The following MIGA2 variants were observed in gnomAD, a reference collection of about 807,000 sequenced individuals.
The protein encoded by MIGA2 is family with sequence similarity 73, member B.
A neutral mutation model predicts 69.9 loss-of-function variants in MIGA2; 36 were observed. That is an observed-to-expected ratio of 0.52 (90% CI 0.39 to 0.68). The LOEUF (loss-of-function observed/expected upper bound fraction) is 0.68, where lower values mean the gene tolerates loss of function less well. Ranked by LOEUF, MIGA2 falls within the 30% of genes least tolerant of loss-of-function variation. The pLI is 0.00. For synonymous variants in MIGA2, 333 were observed against 349.2 expected (o/e 0.95, Z 0.52); for missense variants, 660 against 787.7 (o/e 0.84, Z 1.94).
intron 1 of MIGA2, chr9:129,037,065 C>T: frequency 1.0e-6 from 1 of 1,001,592 alleles, no homozygotes; most frequent in African/African-American, 1.7e-5. Context: ...GAAGGGGCTG[C>T]CCAAGATGCC....
chr9:129,039,175 T>TTGTGTG (rs61426484), intron 1 of MIGA2, among the ~76,000 whole-genome samples: 5,356 of 139,938 alleles, frequency 0.038, 153 homozygotes, highest in Middle Eastern at 0.056. Context: ...AGCTCTTTGT[T>TTGTGTG]TGTGTGTGTG....
chr9:129,055,492 C>A (rs1017904861), intron 6 of MIGA2, among the ~76,000 whole-genome samples: 3 of 152,072 alleles, frequency 2.0e-5, no homozygotes, highest in African/African-American at 7.2e-5. Context: ...TAAGTGGGTT[C>A]ATCTCTGAGG....
In MIGA2 at chr9:129,059,070, C is replaced by T; in HGVS notation, c.676-84C>T. Reference sequence around the variant, plus strand: ...TGGGTCCTAGAGCTCCTCCCCTTTCCCCAGGGACCTGGGGGTGAGGGAAGG... The same window carrying T: ...TGGGTCCTAGAGCTCCTCCCCTTTCTCCAGGGACCTGGGGGTGAGGGAAGG... On this transcript the variant is annotated intron_variant, in intron 6 of 15. Transcript: ENST00000684074. The surrounding 1 kb of genome is among the most constrained non-coding windows in gnomAD (Gnocchi z 5.6). 7.9e-7 allele frequency: 1 copy of T among 1,264,532 alleles called. No individual in the cohort carries two copies. The highest frequency in any genetic ancestry group is 1.1e-6 in the Non-Finnish European group (1 of 873,190). 78.3% of individuals were successfully genotyped at this position (1,264,532 alleles called of 1,614,324 possible).
rs1186203436 is a variant in MIGA2 at position 129,059,068 on chromosome 9, TC to T, written c.676-82del. ...GCTGGGTCCTAGAGCTCCTCCCCTT[TC>T]CCCAGGGACCTGGGGGTGAGGGAAG... On this transcript the variant is annotated intron_variant, in intron 6 of 15. Transcript: ENST00000684074. This position sits in a 1 kb window ranked among gnomAD's most constrained non-coding sequence, Gnocchi z 5.6. 8.2e-7 allele frequency: 1 copy of T among 1,213,654 alleles called. No homozygotes were observed. The highest frequency in any genetic ancestry group is 1.2e-6 in the Non-Finnish European group (1 of 828,310). The allele number at this position is 1,213,654 out of a possible 1,614,324, so 75.2% of individuals were successfully genotyped here.
chr9:129,060,509 TGGGGA>T lies in MIGA2; in HGVS notation c.794-39_794-35del. 6.8e-7 allele frequency: 1 copy of T among 1,478,638 alleles called. No homozygotes were observed. The highest frequency in any genetic ancestry group is 1.4e-5 in the African/African-American group (1 of 71,960). The allele number at this position is 1,478,638 out of a possible 1,614,324, so 91.6% of individuals were successfully genotyped here. ...ACCGGGATTCCAGCTGAGCACTGTG[TGGGGA>T]GTCTCAGCCCCGCTTTCTCTCACTG... is the stretch of plus-strand genomic sequence containing the variant. On this transcript the variant is annotated intron_variant, in intron 7 of 15. Transcript: ENST00000684074. The surrounding 1 kb of genome is among the most constrained non-coding windows in gnomAD (Gnocchi z 4.8).
At position 129,066,814 on chromosome 9, in the gene MIGA2, A is replaced by T. The variant is rs576662166; in HGVS notation, c.1171-959A>T. 1.3e-4 allele frequency among the ~76,000 whole-genome samples: 19 copies of T among 150,830 alleles called. No individual in the cohort carries two copies. In the South Asian group the frequency reaches 1.7e-3, roughly 13 times the overall value. On this transcript the variant is annotated intron_variant, in intron 11 of 15. Coordinates refer to ENST00000684074, the MANE Select transcript of MIGA2 (RefSeq NM_001329990.2). ...CTCTACTAAAAATACAAAAAAAATT[A>T]GCCGGGCGTGGTGGCGGGCACCTGT...
At chr9:129,070,052 GGGCCTGGGCCTGCT>G (rs1271201253) in intron 15 of MIGA2, 87 bp downstream of exon 15, 1 of 1,282,646 alleles carries the variant, frequency 7.8e-7, no homozygotes, top group Non-Finnish European at 1.1e-6. Flanking sequence ...ATGAGGGCCT[GGGCCTGGGCCTGCT>G]CCCAGAGAGA....
At position 129,069,290 on chromosome 9, in the gene MIGA2, C is replaced by T. The variant is rs754522977; in HGVS notation, c.1458+161C>T. On this transcript the variant is annotated intron_variant, in intron 14 of 15. Coordinates refer to ENST00000684074, the MANE Select transcript of MIGA2 (RefSeq NM_001329990.2). This position sits in a 1 kb window ranked among gnomAD's most constrained non-coding sequence, Gnocchi z 4.9. ...TACCTCTCCCTGTGCCAGGAGCTCCCTGGAGGCTCGTGTAGACCCACTTCC... is the reference window on the plus strand; with the variant it reads ...TACCTCTCCCTGTGCCAGGAGCTCCTTGGAGGCTCGTGTAGACCCACTTCC... The T allele has an allele frequency of 6.9e-6, 6 of 864,722 alleles. No individual in the cohort carries two copies. The highest frequency in any genetic ancestry group is 1.1e-5 in the Non-Finnish European group (6 of 542,172). 53.6% of individuals were successfully genotyped at this position (864,722 alleles called of 1,614,324 possible).
chr9:129,056,147 A>C lies in MIGA2; in HGVS notation c.676-3007A>C, dbSNP rs547959336. 1.5e-3 allele frequency among the ~76,000 whole-genome samples: 234 copies of C among 152,106 alleles called. 2 individuals are homozygous for C. Among genetic ancestry groups the C allele is most frequent in the South Asian group, 0.013 (64 of 4,822 alleles). On this transcript the variant is annotated intron_variant, in intron 6 of 15. Coordinates refer to ENST00000684074, the MANE Select transcript of MIGA2 (RefSeq NM_001329990.2). ...GTCTCAAGAAAAAAAAAAAAAAAAA[A>C]AACTTATGTTGTTCAAGGGTCACAT...
intron 6 of MIGA2, among the ~76,000 whole-genome samples, chr9:129,050,212 G>T (rs1204138693): frequency 6.6e-6 from 1 of 152,254 alleles, no homozygotes; most frequent in Non-Finnish European, 1.5e-5. Context: ...GTGTGGTCCT[G>T]AAAGGCTGGA....
intron 3 of MIGA2, 132 bp downstream of exon 3, chr9:129,042,646 T>TCATCCCGCTCACA: frequency 1.1e-6 from 1 of 911,566 alleles, no homozygotes; most frequent in Non-Finnish European, 1.7e-6. Flanking sequence ...TCCTGATCTG[T>TCATCCCGCTCACA]GAGCGGGATG....
intron 9 of MIGA2, among the ~76,000 whole-genome samples, chr9:129,062,549 A>AG (rs931251267): frequency 6.7e-6 from 1 of 148,926 alleles, no homozygotes; most frequent in African/African-American, 2.5e-5. Context: ...AAAAAAAAAA[A>AG]GCAAAAAAAC....
At chr9:129,063,378 C>A in intron 10 of MIGA2, 62 bp downstream of exon 10, 1 of 1,597,250 alleles carries the variant, frequency 6.3e-7, no homozygotes, top group Non-Finnish European at 8.5e-7. Flanking sequence ...CTGGCCATGG[C>A]TGTGTGGCAT....
rs1242162822 is a variant in MIGA2 at position 129,069,636 on chromosome 9, C to T, written c.1459-213C>T. On this transcript the variant is annotated intron_variant, in intron 14 of 15. Transcript: ENST00000684074. This position sits in a 1 kb window ranked among gnomAD's most constrained non-coding sequence, Gnocchi z 4.9. ...ACTTCCCGCGGAGCCACTATGGCCCCACCTCTTGCAGTACTCACAGCGGCC... is the reference window on the plus strand; with the variant it reads ...ACTTCCCGCGGAGCCACTATGGCCCTACCTCTTGCAGTACTCACAGCGGCC... 1.7e-6 allele frequency: 1 copy of T among 592,196 alleles called. No homozygotes were observed. Among genetic ancestry groups the T allele is most frequent in the African/African-American group, 1.9e-5 (1 of 53,968 alleles). 36.7% of individuals were successfully genotyped at this position (592,196 alleles called of 1,614,324 possible). A position where few individuals can be genotyped will look rare whatever the true frequency, so the allele number is the denominator to read the frequency against.
At chr9:129,039,278 C>T (rs1564597477) in intron 1 of MIGA2, among the ~76,000 whole-genome samples, 1 of 151,544 alleles carries the variant, frequency 6.6e-6, no homozygotes. Flanking sequence ...TGGAGTCTCA[C>T]TCTATTGCCC....
At position 129,063,494 on chromosome 9, in the gene MIGA2, G is replaced by A. The variant is rs552621636; in HGVS notation, c.1084-51G>A. The A allele has an allele frequency of 1.2e-5, 20 of 1,605,394 alleles. No individual in the cohort carries two copies. In the South Asian group the frequency reaches 1.4e-4, roughly 11 times the overall value. ...TTATGTGGCCCTCTCCGTGGGCTTT[G>A]AGGGACTGCCGTGCCCGGCAGCTCA... On this transcript the variant is annotated intron_variant, in intron 10 of 15. Transcript: ENST00000684074.
At chr9:129,051,572 G>A (rs1431529520) in intron 6 of MIGA2, among the ~76,000 whole-genome samples, 1 of 149,640 alleles carries the variant, frequency 6.7e-6, no homozygotes, top group African/African-American at 2.5e-5. Flanking sequence ...CACCGTGCCT[G>A]GCTTATTTAT....
intron 6 of MIGA2, among the ~76,000 whole-genome samples, chr9:129,052,369 C>T (rs1166138431): frequency 3.9e-5 from 6 of 151,984 alleles, no homozygotes; most frequent in Admixed American, 1.3e-4. Flanking sequence ...GTGATCCACC[C>T]GCCTCGGCCT....
chr9:129,051,604 A>T (rs563941927), intron 6 of MIGA2, among the ~76,000 whole-genome samples: 8 of 140,184 alleles, frequency 5.7e-5, no homozygotes, highest in Admixed American at 1.5e-4. Flanking sequence ...TTATTTTATT[A>T]TTTTTTTTTA....
Sources: gnomAD v4.1 joint callset for allele counts (sites outside exome capture counted in the v4.1 genomes callset) on GRCh38, gnomAD v4.1.1 for gene constraint, Gnocchi (gnomAD v3.1) non-coding constraint, MANE v1.5 for transcripts, NCBI Gene and HGNC (gene_info 2026-07-23, HGNC 2026-07-21) for gene names.